ATP6V0D2: variants seen among roughly 807,000 people sequenced by gnomAD.
ATP6V0D2 encodes ATPase H+ transporting V0 subunit d2.
In ATP6V0D2, 40 loss-of-function variants were observed where a neutral mutation model predicts 40.0. That is an observed-to-expected ratio of 1.00 (90% CI 0.78 to 1.30). The LOEUF (loss-of-function observed/expected upper bound fraction) is 1.30, where lower values mean the gene tolerates loss of function less well. ATP6V0D2 is among the 50% of genes most tolerant of loss of function. ATP6V0D2 has a pLI of 0.00. For missense variants in ATP6V0D2, 470 were observed against 423.1 expected (o/e 1.11, Z -0.97); for synonymous variants, 179 against 156.3 (o/e 1.15, Z -1.08).
chr8:86,122,831 G>A (rs945623402), intron 2 of ATP6V0D2, among the ~76,000 whole-genome samples: 2 of 152,202 alleles, frequency 1.3e-5, no homozygotes, highest in African/African-American at 4.8e-5. Flanking sequence ...TGTGTTTGGA[G>A]ATGACATGGC....
chr8:86,113,881 G>GT lies in ATP6V0D2; in HGVS notation c.302+2dup. 1.2e-6 allele frequency: 2 copies of GT among 1,606,824 alleles called. No individual in the cohort carries two copies. Among genetic ancestry groups the GT allele is most frequent in the Non-Finnish European group, 1.7e-6 (2 of 1,176,544 alleles). On this transcript the variant is annotated splice_donor_variant, in intron 2 of 7. Coordinates refer to ENST00000285393, the MANE Select transcript of ATP6V0D2 (RefSeq NM_152565.1). LOFTEE classifies it high-confidence loss of function. ...TCAGCACATTTCTCACCTATATGAC[G>GT]TAAGTGATGACAGAAAGCCCTAATA...
At chr8:86,117,717 A>C (rs183895410) in intron 2 of ATP6V0D2, among the ~76,000 whole-genome samples, 1 of 152,344 alleles carries the variant, frequency 6.6e-6, no homozygotes, top group African/African-American at 2.4e-5. Context: ...GGATTCTGGA[A>C]AACCTTCCCA....
chr8:86,145,746 C>A (rs1819061098), intron 5 of ATP6V0D2, among the ~76,000 whole-genome samples: 1 of 152,136 alleles, frequency 6.6e-6, no homozygotes, highest in African/African-American at 2.4e-5. Context: ...TTCTACTCAG[C>A]ATAATTCTTG....
At position 86,153,731 on chromosome 8, in the gene ATP6V0D2, T is replaced by C. The variant is rs1819190190; in HGVS notation, c.*754T>C. 6.6e-6 allele frequency: 1 copy of C among 152,110 alleles called. No individual in the cohort carries two copies. Among genetic ancestry groups the C allele is most frequent in the Admixed American group, 6.6e-5 (1 of 15,208 alleles). 9.4% of individuals were successfully genotyped at this position (152,110 alleles called of 1,614,324 possible). A position where few individuals can be genotyped will look rare whatever the true frequency, so the allele number is the denominator to read the frequency against. On this transcript the variant is annotated 3_prime_UTR_variant, in exon 8 of 8. Transcript: ENST00000285393. Reference sequence around the variant, plus strand: ...CAAAGCTGTATGTAGTCAACATGGTTCACAAGTGTTGGAAAATGTGTTTTT... The same window carrying C: ...CAAAGCTGTATGTAGTCAACATGGTCCACAAGTGTTGGAAAATGTGTTTTT...
intron 6 of ATP6V0D2, among the ~76,000 whole-genome samples, chr8:86,151,018 G>A (rs535702602): frequency 5.3e-5 from 8 of 152,262 alleles, no homozygotes; most frequent in South Asian, 4.1e-4. Context: ...ATGTAATTGC[G>A]TGAGACTCTT....
chr8:86,115,946 A>G (rs2130241799), intron 2 of ATP6V0D2, among the ~76,000 whole-genome samples: 1 of 152,310 alleles, frequency 6.6e-6, no homozygotes, highest in Non-Finnish European at 1.5e-5. Flanking sequence ...GGCACAAAGG[A>G]AAACCAATGC....
chr8:86,143,321 TC>T (rs1819003127), intron 5 of ATP6V0D2, among the ~76,000 whole-genome samples: 1 of 152,196 alleles, frequency 6.6e-6, no homozygotes. Context: ...AAGAGAGGGT[TC>T]TTGGATCTCA....
intron 4 of ATP6V0D2, 101 bp downstream of exon 4, chr8:86,141,630 A>G (rs978567213): frequency 1.0e-5 from 8 of 781,266 alleles, no homozygotes; most frequent in Admixed American, 2.9e-5. Flanking sequence ...AACTTCTGCA[A>G]TTATGAAACT....
At chr8:86,117,942 T>C (rs1360538121) in intron 2 of ATP6V0D2, among the ~76,000 whole-genome samples, 1 of 152,108 alleles carries the variant, frequency 6.6e-6, no homozygotes, top group East Asian at 1.9e-4. Context: ...AAGTCTTTGA[T>C]GCCAGGCTAA....
chr8:86,136,868 C>T (rs1045020838), intron 2 of ATP6V0D2, among the ~76,000 whole-genome samples: 2 of 152,164 alleles, frequency 1.3e-5, no homozygotes, highest in African/African-American at 4.8e-5. Flanking sequence ...GGTGGCTAAG[C>T]TTCCCATCAC....
Position 86,112,044 on chromosome 8 carries a change from C to T in ATP6V0D2, c.131-1665C>T, listed in dbSNP as rs565380573. 3.3e-5 allele frequency among the ~76,000 whole-genome samples: 5 copies of T among 152,264 alleles called. No individual in the cohort carries two copies. The South Asian group carries it at 1.0e-3, about 32-fold the overall frequency. On this transcript the variant is annotated intron_variant, in intron 1 of 7. Coordinates refer to ENST00000285393, the MANE Select transcript of ATP6V0D2 (RefSeq NM_152565.1). ...CTTAATAAATGTTTGAGTGGAAGAT[C>T]CAATAAGCTCCATATGTGTGCTGGA... is the stretch of plus-strand genomic sequence containing the variant.
At chr8:86,108,946 AT>A (rs1306847904) in intron 1 of ATP6V0D2, among the ~76,000 whole-genome samples, 2 of 151,862 alleles carry the variant, frequency 1.3e-5, no homozygotes, top group East Asian at 1.9e-4. Flanking sequence ...GGTGTAATCT[AT>A]TTTTTTTATT....
intron 1 of ATP6V0D2, among the ~76,000 whole-genome samples, chr8:86,107,847 CACCA>C (rs1186463473): frequency 6.6e-6 from 1 of 152,118 alleles, no homozygotes; most frequent in African/African-American, 2.4e-5. Context: ...AGTAATAAAG[CACCA>C]AAGAGGACTT....
chr8:86,103,970 C>T (rs1339022021), intron 1 of ATP6V0D2, among the ~76,000 whole-genome samples: 2 of 151,952 alleles, frequency 1.3e-5, no homozygotes, highest in African/African-American at 2.4e-5. Flanking sequence ...GGACTACAGG[C>T]GTGCACCACC....
intron 1 of ATP6V0D2, among the ~76,000 whole-genome samples, chr8:86,110,673 C>T (rs1173938240): frequency 3.3e-5 from 5 of 152,150 alleles, no homozygotes; most frequent in African/African-American, 9.7e-5. Flanking sequence ...GATATACAGG[C>T]TAAAATGTCT....
At position 86,152,870 on chromosome 8, in the gene ATP6V0D2, G is replaced by T; in HGVS notation, c.946G>T (p.Ala316Ser). ...ACAGTTCCACTACGGTGTGTTTTAT[G>T]CATATGTAAAGCTGAAGGAACAGGA... ...NRQFHYGVFY[A>S]YVKLKEQEIR... Residue 316 changes from alanine to serine, a missense_variant, in exon 8 of 8, where the codon GCA becomes TCA. Ala to Ser is a moderately conservative substitution (Grantham distance 99). Coordinates refer to ENST00000285393, the MANE Select transcript of ATP6V0D2 (RefSeq NM_152565.1). The T allele has an allele frequency of 5.6e-6, 9 of 1,612,562 alleles. No individual in the cohort carries two copies. The highest frequency in any genetic ancestry group is 7.6e-6 in the Non-Finnish European group (9 of 1,179,404).
At chr8:86,110,750 C>T (rs949030591) in intron 1 of ATP6V0D2, among the ~76,000 whole-genome samples, 2 of 152,090 alleles carry the variant, frequency 1.3e-5, no homozygotes, top group African/African-American at 4.8e-5. Context: ...GATTTGGAAA[C>T]AAATCAGTGT....
At chr8:86,145,316 A>G in intron 5 of ATP6V0D2, among the ~76,000 whole-genome samples, 1 of 47,964 alleles carries the variant, frequency 2.1e-5, no homozygotes, top group Non-Finnish European at 3.9e-5. Flanking sequence ...AAAGAAAAGA[A>G]AGAAGGAAAG....
At chr8:86,125,044 A>G (rs930274237) in intron 2 of ATP6V0D2, among the ~76,000 whole-genome samples, 2 of 152,188 alleles carry the variant, frequency 1.3e-5, no homozygotes, top group African/African-American at 2.4e-5. Flanking sequence ...GTAGGTGGAC[A>G]TGGCTGGAGA....
Sources: gnomAD v4.1 joint callset for allele counts (sites outside exome capture counted in the v4.1 genomes callset) on GRCh38, gnomAD v4.1.1 for gene constraint, MANE v1.5 for transcripts, NCBI Gene and HGNC (gene_info 2026-07-23, HGNC 2026-07-21) for gene names.